The following ATP10A variants were observed in gnomAD, a reference collection of about 807,000 sequenced individuals.
The protein encoded by ATP10A is ATPase phospholipid transporting 10A (putative), also known as phospholipid-transporting ATPase VA.
Under a neutral mutation model 147.8 loss-of-function variants are expected in ATP10A, and 111 were observed. The ratio of observed to expected loss-of-function variants is 0.75; its 90% CI spans 0.64 to 0.88. The LOEUF (loss-of-function observed/expected upper bound fraction) is 0.88. Ranked by LOEUF, ATP10A falls within the 40% of genes least tolerant of loss-of-function variation. The pLI, the probability that ATP10A is intolerant of heterozygous loss-of-function variation, is 0.00. For synonymous variants in ATP10A, 875 were observed against 841.6 expected, an observed-to-expected ratio of 1.04 and a Z score of -0.69; for missense variants, 1,927 against 1,959.0, an observed-to-expected ratio of 0.98 and a Z score of 0.31.
At chr15:25,702,573 A>C (rs1415776927) in intron 12 of ATP10A, among the ~76,000 whole-genome samples, 1 of 152,202 alleles carries the variant, frequency 6.6e-6, no homozygotes, top group African/African-American at 2.4e-5. Flanking sequence ...AATGCTTATT[A>C]CTAGTCACTA....
chr15:25,818,885 T>G (rs1272519311), intron 1 of ATP10A, among the ~76,000 whole-genome samples: 1 of 152,156 alleles, frequency 6.6e-6, no homozygotes, highest in Non-Finnish European at 1.5e-5. Context: ...GATTGCTACA[T>G]GCAGAAGAAT....
At chr15:25,785,674 T>G (rs1406358083) in intron 1 of ATP10A, among the ~76,000 whole-genome samples, 2 of 152,132 alleles carry the variant, frequency 1.3e-5, no homozygotes, top group African/African-American at 4.8e-5. Flanking sequence ...TCGAGCCCAC[T>G]GGCACAACAC....
intron 1 of ATP10A, among the ~76,000 whole-genome samples, chr15:25,798,854 C>T (rs921763716): frequency 2.6e-4 from 39 of 152,160 alleles, no homozygotes; most frequent in African/African-American, 9.4e-4. Flanking sequence ...GGGCACCGTG[C>T]GCCTCCCGCA....
At position 25,863,046 on chromosome 15, in the gene ATP10A, C is replaced by T. The variant is rs923301516; in HGVS notation, c.51G>A (p.Arg17=). The T allele has an allele frequency of 4.8e-6, 6 of 1,260,508 alleles. No individual in the cohort carries two copies. The highest frequency in any genetic ancestry group is 3.0e-4 in the Middle Eastern group (1 of 3,346). 78.1% of individuals were successfully genotyped at this position (1,260,508 alleles called of 1,614,324 possible). A position where few individuals can be genotyped will look rare whatever the true frequency, so the allele number is the denominator to read the frequency against. Reference sequence around the variant, plus strand: ...TGCGCGTCCTGCCCTCTCGGCGCCTCCGCCGTCCCGGAGGCCCGGGCTCCT... The same window carrying T: ...TGCGCGTCCTGCCCTCTCGGCGCCTTCGCCGTCCCGGAGGCCCGGGCTCCT... ...GTEEPGPPGR[R]RRREGRTRTV... Residue 17 remains arginine (R), a synonymous_variant, in exon 1 of 21, where the codon CGG becomes CGA. Coordinates refer to ENST00000555815, the MANE Select transcript of ATP10A (RefSeq NM_024490.4).
At chr15:25,738,460 C>T (rs1887409743) in intron 2 of ATP10A, 1 of 152,190 alleles carries the variant, frequency 6.6e-6, no homozygotes, top group African/African-American at 2.4e-5. Context: ...CAAATGATTA[C>T]AATAGTAAAC....
chr15:25,765,661 A>G (rs1476712151), intron 2 of ATP10A, among the ~76,000 whole-genome samples: 1 of 152,190 alleles, frequency 6.6e-6, no homozygotes, highest in Non-Finnish European at 1.5e-5. Context: ...TGGACAGCCA[A>G]TTCTCATCTA....
chr15:25,837,488 G>T (rs550503747), intron 1 of ATP10A, among the ~76,000 whole-genome samples: 1 of 152,180 alleles, frequency 6.6e-6, no homozygotes, highest in Non-Finnish European at 1.5e-5. Flanking sequence ...GGCTCCCGGC[G>T]CAGGGAGTGG....
chr15:25,731,529 G>T (rs1002107582), intron 3 of ATP10A, among the ~76,000 whole-genome samples: 1 of 152,134 alleles, frequency 6.6e-6, no homozygotes, highest in African/African-American at 2.4e-5. Flanking sequence ...GGCTTCAGAG[G>T]TGACCACATG....
At chr15:25,790,536 G>T (rs1479616175) in intron 1 of ATP10A, among the ~76,000 whole-genome samples, 1 of 152,196 alleles carries the variant, frequency 6.6e-6, no homozygotes, top group Non-Finnish European at 1.5e-5. Context: ...AGGATGCAGA[G>T]TCTCTCAGCC....
intron 1 of ATP10A, among the ~76,000 whole-genome samples, chr15:25,818,523 T>C (rs529157404): frequency 5.3e-5 from 8 of 152,154 alleles, no homozygotes; most frequent in African/African-American, 1.9e-4. Flanking sequence ...ACAATGACCA[T>C]ACTGCCCAAA....
At chr15:25,848,792 TA>T (rs1018421998) in intron 1 of ATP10A, 2 of 153,092 alleles carry the variant, frequency 1.3e-5, no homozygotes, top group African/African-American at 4.8e-5. Flanking sequence ...ATCAGCTGAT[TA>T]GCCACCTTAA....
intron 1 of ATP10A, among the ~76,000 whole-genome samples, chr15:25,856,400 G>A (rs1893521148): frequency 1.3e-5 from 2 of 152,178 alleles, no homozygotes; most frequent in Non-Finnish European, 2.9e-5. Flanking sequence ...ATGCAGAACT[G>A]TGAGTCAATT....
intron 1 of ATP10A, among the ~76,000 whole-genome samples, chr15:25,855,130 G>A (rs1279030653): frequency 1.3e-5 from 2 of 150,764 alleles, no homozygotes; most frequent in African/African-American, 4.9e-5. Context: ...CTCATTCTAT[G>A]AGACCAGTAT....
chr15:25,770,581 G>C (rs1162897605), intron 2 of ATP10A, among the ~76,000 whole-genome samples: 2 of 152,180 alleles, frequency 1.3e-5, no homozygotes, highest in African/African-American at 2.4e-5. Context: ...GGAGTAGTGG[G>C]GGTAGTCACT....
At chr15:25,744,759 T>C (rs1051562412) in intron 2 of ATP10A, among the ~76,000 whole-genome samples, 2 of 151,862 alleles carry the variant, frequency 1.3e-5, no homozygotes, top group Admixed American at 6.6e-5. Flanking sequence ...GAATTAAGCA[T>C]GGGAAGATGA....
intron 2 of ATP10A, among the ~76,000 whole-genome samples, chr15:25,748,479 G>A (rs997827540): frequency 3.3e-5 from 5 of 151,988 alleles, no homozygotes; most frequent in African/African-American, 4.8e-5. Context: ...AGCAGGCTAC[G>A]AATAAAAGAA....
chr15:25,716,532 T>A (rs1041129900), intron 9 of ATP10A, among the ~76,000 whole-genome samples, 198 bp downstream of exon 9: 5 of 152,146 alleles, frequency 3.3e-5, no homozygotes, highest in African/African-American at 1.2e-4. Flanking sequence ...CTGCCCACTA[T>A]AGCCTGGGGC....
In ATP10A at chr15:25,687,760, C is replaced by T. The variant is rs770927235; in HGVS notation, c.3234G>A (p.Gly1078=). Residue 1078 remains glycine, a synonymous_variant, in exon 16 of 21, where the codon GGG becomes GGA. Coordinates refer to ENST00000555815, the MANE Select transcript of ATP10A (RefSeq NM_024490.4). Reference sequence around the variant, plus strand: ...TGGCAAGTCGGGAGTAGCACCAATGCCCGTGAAGAATCAAGAGCCTCTCCA... The same window carrying T: ...TGGCAAGTCGGGAGTAGCACCAATGTCCGTGAAGAATCAAGAGCCTCTCCA... ...RYLERLLILH[G]HWCYSRLANM... The T allele has an allele frequency of 8.1e-6, 13 of 1,613,428 alleles. No homozygotes were observed. In the Admixed American group the frequency reaches 2.2e-4, roughly 27 times the overall value.
At chr15:25,770,174 C>T (rs1199717133) in intron 2 of ATP10A, among the ~76,000 whole-genome samples, 2 of 150,960 alleles carry the variant, frequency 1.3e-5, no homozygotes, top group Non-Finnish European at 2.9e-5. Flanking sequence ...AGGGGCCCCA[C>T]CCATGTTTTC....
Sources: gnomAD v4.1 joint callset for allele counts (sites outside exome capture counted in the v4.1 genomes callset) on GRCh38, gnomAD v4.1.1 for gene constraint, MANE v1.5 for transcripts, NCBI Gene and HGNC (gene_info 2026-07-23, HGNC 2026-07-21) for gene names.